Variants in PRMT8 observed in about 807,000 individuals in gnomAD.
PRMT8 encodes the protein protein arginine N-methyltransferase 8.
A neutral mutation model predicts 47.1 loss-of-function variants in PRMT8; 7 were observed. The observed-to-expected ratio is 0.15, with a 90% CI of 0.08 to 0.28. The LOEUF is 0.28. PRMT8 is among the 10% of genes least tolerant of loss of function. The pLI, the probability that PRMT8 is intolerant of heterozygous loss-of-function variation, is 1.00. For synonymous variants in PRMT8, 188 were observed against 186.5 expected (o/e 1.01, Z -0.07); for missense variants, 237 against 505.4 (o/e 0.47, Z 5.09).
intron 1 of PRMT8, among the ~76,000 whole-genome samples, chr12:3,515,941 C>T (rs1224134615): frequency 1.3e-5 from 2 of 152,250 alleles, no homozygotes; most frequent in Admixed American, 6.5e-5. Flanking sequence ...TGCTGCTCTT[C>T]TCCCTGATGA....
chr12:3,443,990 G>A (rs1221916101), intron 1 of PRMT8, among the ~76,000 whole-genome samples: 1 of 152,182 alleles, frequency 6.6e-6, no homozygotes, highest in East Asian at 1.9e-4. Flanking sequence ...TAAACTCGAT[G>A]TAAGGCTCTC....
intron 1 of PRMT8, among the ~76,000 whole-genome samples, chr12:3,387,589 C>A (rs913402278): frequency 6.6e-6 from 1 of 152,088 alleles, no homozygotes; most frequent in Non-Finnish European, 1.5e-5. Context: ...TCAATCAAAT[C>A]AAGAGATCAC....
At chr12:3,440,324 T>C (rs1555079908) in intron 1 of PRMT8, among the ~76,000 whole-genome samples, 2 of 152,014 alleles carry the variant, frequency 1.3e-5, no homozygotes, top group Non-Finnish European at 2.9e-5. Context: ...TAGCCAGGCA[T>C]GGCAGCACGC....
At position 3,535,356 on chromosome 12, in the gene PRMT8, AGTCTGGGGGCGGAACACTGT is replaced by A. The variant is rs1419746190; in HGVS notation, c.76-5247_76-5228del. 6.6e-6 allele frequency among the ~76,000 whole-genome samples: 1 copy of A among 152,198 alleles called. No homozygotes were observed. The highest frequency in any genetic ancestry group is 1.5e-5 in the Non-Finnish European group (1 of 68,036). ...TGCTGAAGCTGCCCTGGGTAAGGCC[AGTCTGGGGGCGGAACACTGT>A]GTTGGGGGAGTCCTGATCAGCCGCT... is the stretch of plus-strand genomic sequence containing the variant. On this transcript the variant is annotated intron_variant, in intron 1 of 9. Coordinates refer to ENST00000382622, the MANE Select transcript of PRMT8 (RefSeq NM_019854.5). This position sits in a 1 kb window ranked among gnomAD's most constrained non-coding sequence, Gnocchi z 4.7.
intron 1 of PRMT8, among the ~76,000 whole-genome samples, chr12:3,455,335 G>A (rs1318491974): frequency 6.6e-6 from 1 of 152,194 alleles, no homozygotes; most frequent in African/African-American, 2.4e-5. Context: ...AGTGGAGGAT[G>A]AGGGTGAGGG....
chr12:3,457,115 G>A (rs1227465489), intron 1 of PRMT8, among the ~76,000 whole-genome samples: 2 of 152,190 alleles, frequency 1.3e-5, no homozygotes, highest in Non-Finnish European at 2.9e-5. Flanking sequence ...TCCTAAAGGG[G>A]AGGTGCTGTT....
At chr12:3,498,152 A>G (rs973724602) in intron 1 of PRMT8, among the ~76,000 whole-genome samples, 2 of 152,226 alleles carry the variant, frequency 1.3e-5, no homozygotes, top group Non-Finnish European at 2.9e-5. Context: ...ATTGTGTGCA[A>G]TGCTGTGAAT....
intron 1 of PRMT8, among the ~76,000 whole-genome samples, chr12:3,494,815 T>C (rs1865481066): frequency 1.3e-5 from 2 of 152,190 alleles, no homozygotes. Flanking sequence ...GGGGGCACTC[T>C]TCAACCGCTC....
chr12:3,530,592 A>C (rs1385925225), intron 1 of PRMT8, among the ~76,000 whole-genome samples: 1 of 152,162 alleles, frequency 6.6e-6, no homozygotes, highest in East Asian at 1.9e-4. Flanking sequence ...TACCTTCCTA[A>C]AGATATCAAT....
Position 3,593,383 on chromosome 12 carries a change from G to T in PRMT8, c.*201G>T. The T allele has an allele frequency of 1.8e-6, 1 of 557,090 alleles. No homozygotes were observed. Among genetic ancestry groups the T allele is most frequent in the Non-Finnish European group, 3.1e-6 (1 of 318,932 alleles). 34.5% of individuals were successfully genotyped at this position (557,090 alleles called of 1,614,324 possible). On this transcript the variant is annotated 3_prime_UTR_variant, in exon 10 of 10. Coordinates refer to ENST00000382622, the MANE Select transcript of PRMT8 (RefSeq NM_019854.5). This position sits in a 1 kb window ranked among gnomAD's most constrained non-coding sequence, Gnocchi z 4.8. ...GCCTCCAGCTCCTCCGCTCTGCCCT[G>T]GTAGCCCTTCACGAAGGCTTTGTGT...
At chr12:3,472,943 T>C (rs963143677) in intron 1 of PRMT8, among the ~76,000 whole-genome samples, 3 of 152,120 alleles carry the variant, frequency 2.0e-5, no homozygotes, top group Non-Finnish European at 4.4e-5. Flanking sequence ...ATTCTACCAG[T>C]GGTGCCCAAA....
At chr12:3,459,318 T>C (rs906849621) in intron 1 of PRMT8, among the ~76,000 whole-genome samples, 3 of 152,082 alleles carry the variant, frequency 2.0e-5, no homozygotes, top group Non-Finnish European at 2.9e-5. Context: ...TCTTCCCTCA[T>C]GGTGAGAAGA....
At position 3,564,907 on chromosome 12, in the gene PRMT8, T is replaced by C. The variant is rs3782748; in HGVS notation, c.482-3799T>C. ...CAATAGCCCCTAGTAAGTTGGCATA[T>C]GCCCCACCATGACAGGTAGCATTTT... On this transcript the variant is annotated intron_variant, in intron 4 of 9. Transcript: ENST00000382622. This position sits in a 1 kb window ranked among gnomAD's most constrained non-coding sequence, Gnocchi z 4.0. Among the ~76,000 whole-genome samples the C allele has an allele frequency of 4.3e-3, 662 of 152,392 alleles. 10 individuals carry two copies. In the East Asian group the frequency reaches 0.061, roughly 14 times the overall value.
At chr12:3,398,772 C>T (rs1284123783) in intron 1 of PRMT8, among the ~76,000 whole-genome samples, 1 of 152,198 alleles carries the variant, frequency 6.6e-6, no homozygotes, top group Non-Finnish European at 1.5e-5. Flanking sequence ...ACTGTTTAGC[C>T]TGGAAGCCCA....
At chr12:3,539,993 A>C (rs1003863338) in intron 1 of PRMT8, among the ~76,000 whole-genome samples, 2 of 152,194 alleles carry the variant, frequency 1.3e-5, no homozygotes, top group Non-Finnish European at 2.9e-5. Context: ...CACGTTCCTG[A>C]GGATGCAGGT....
At chr12:3,439,775 G>C (rs1864779569) in intron 1 of PRMT8, among the ~76,000 whole-genome samples, 1 of 152,214 alleles carries the variant, frequency 6.6e-6, no homozygotes, top group Admixed American at 6.5e-5. Flanking sequence ...CAGAGTGCCT[G>C]TATTGTCTCT....
intron 9 of PRMT8, 66 bp downstream of exon 9, chr12:3,592,418 C>A: frequency 6.5e-7 from 1 of 1,531,954 alleles, no homozygotes; most frequent in Non-Finnish European, 8.7e-7. Context: ...GCTCAGGACC[C>A]ACTTGCCCGG....
rs1056224705 is a variant in PRMT8 at position 3,436,977 on chromosome 12, A to G, written c.48+55535A>G. ...TTTGGCAAACATTTACTCACCTTCT[A>G]CTGTGTCCAAAGTACACAAAATAAG... On this transcript the variant is annotated intron_variant, in intron 1 of 9. Coordinates refer to the PRMT8 transcript ENST00000452611. This position sits in a 1 kb window ranked among gnomAD's most constrained non-coding sequence, Gnocchi z 4.2. Among the ~76,000 whole-genome samples the G allele has an allele frequency of 6.6e-6, 1 of 152,202 alleles. No individual in the cohort carries two copies. The highest frequency in any genetic ancestry group is 2.4e-5 in the African/African-American group (1 of 41,446).
chr12:3,530,659 C>T (rs568344051), intron 1 of PRMT8, among the ~76,000 whole-genome samples: 22 of 152,160 alleles, frequency 1.4e-4, no homozygotes, highest in Admixed American at 5.2e-4. Flanking sequence ...CTTGAGAGTG[C>T]ACAATGTGTA....
Sources: allele counts gnomAD v4.1 joint callset (sites outside exome capture counted in the v4.1 genomes callset), GRCh38; gene constraint gnomAD v4.1.1; non-coding constraint Gnocchi (gnomAD v3.1); transcripts MANE v1.5; gene names NCBI Gene and HGNC (gene_info 2026-07-23, HGNC 2026-07-21).